ATG4C: variants seen among roughly 807,000 people sequenced by gnomAD.
ATG4C encodes autophagy related 4C cysteine peptidase, also known as cysteine protease ATG4C.
A neutral mutation model predicts 57.6 loss-of-function variants in ATG4C; 56 were observed. The observed-to-expected ratio is 0.97, with a 90% confidence interval of 0.78 to 1.21. The LOEUF (loss-of-function observed/expected upper bound fraction) is 1.21. Ranked by LOEUF, ATG4C falls within the 50% of genes most tolerant of loss-of-function variation. ATG4C has a pLI of 0.00. For synonymous variants in ATG4C, 157 were observed against 174.1 expected, an observed-to-expected ratio of 0.90 and a Z score of 0.78; for missense variants, 595 against 529.8, an observed-to-expected ratio of 1.12 and a Z score of -1.21.
chr1:62,820,274 T>A (rs1665439603), intron 5 of ATG4C, among the ~76,000 whole-genome samples: 1 of 152,186 alleles, frequency 6.6e-6, no homozygotes, highest in East Asian at 1.9e-4. Flanking sequence ...GAAGTGACAA[T>A]AGTAAATATT....
chr1:62,854,478 C>T (rs566030028), intron 10 of ATG4C, among the ~76,000 whole-genome samples: 7 of 151,938 alleles, frequency 4.6e-5, no homozygotes, highest in Non-Finnish European at 8.8e-5. Context: ...GGGGTTTCAC[C>T]GTGTTAGCCA....
intron 4 of ATG4C, 99 bp downstream of exon 4, chr1:62,816,907 G>C (rs74078329): frequency 1.0e-6 from 1 of 959,184 alleles, no homozygotes; most frequent in African/African-American, 1.7e-5. Flanking sequence ...GAAATTCCCT[G>C]AGGTTAATTT....
chr1:62,809,158 C>T lies in ATG4C; in HGVS notation c.160+3903C>T, dbSNP rs74409200. 9.3e-3 allele frequency among the ~76,000 whole-genome samples: 1,420 copies of T among 151,940 alleles called. 14 individuals carry two copies. Among genetic ancestry groups the T allele is most frequent in the South Asian group, 0.039 (188 of 4,814 alleles). ...CTCCCTATGTTGTCCAGGGTTGTCT[C>T]GAACTCCTTGGCTCAAGTGGTCCTC... On this transcript the variant is annotated intron_variant, in intron 3 of 10. Transcript: ENST00000317868.
At chr1:62,823,263 T>C (rs926289509) in intron 6 of ATG4C, among the ~76,000 whole-genome samples, 1 of 152,220 alleles carries the variant, frequency 6.6e-6, no homozygotes, top group African/African-American at 2.4e-5. Context: ...ATTCAGCACG[T>C]TTAAAAGTAC....
At chr1:62,837,561 T>C (rs1229096734) in intron 9 of ATG4C, among the ~76,000 whole-genome samples, 1 of 152,176 alleles carries the variant, frequency 6.6e-6, no homozygotes, top group Non-Finnish European at 1.5e-5. Flanking sequence ...TTAATAGACA[T>C]GTCAGTTTGT....
rs968076267 is a variant in ATG4C at position 62,784,208 on chromosome 1, A to G, written c.-134A>G. 1 of 153,098 alleles carries G rather than the reference A, an allele frequency of 6.5e-6. No individual in the cohort carries two copies. Among genetic ancestry groups the G allele is most frequent in the Non-Finnish European group, 1.5e-5 (1 of 68,594 alleles). The allele number at this position is 153,098 out of a possible 1,614,324, so 9.5% of individuals were successfully genotyped here. ...CTGGTTTTGTGGCGGCTGCTGCTAG[A>G]GCTGGAGCATTTGCCGGGTTGGTGG... On this transcript the variant is annotated 5_prime_UTR_variant, in exon 1 of 11. Coordinates refer to ENST00000317868, the MANE Select transcript of ATG4C (RefSeq NM_032852.4).
At chr1:62,827,231 C>T (rs1402319267) in intron 6 of ATG4C, among the ~76,000 whole-genome samples, 1 of 152,148 alleles carries the variant, frequency 6.6e-6, no homozygotes, top group African/African-American at 2.4e-5. Flanking sequence ...TCTTCTAATC[C>T]CATTTTTGCT....
intron 9 of ATG4C, among the ~76,000 whole-genome samples, chr1:62,835,976 A>G (rs1226178889): frequency 6.6e-6 from 1 of 152,064 alleles, no homozygotes; most frequent in Non-Finnish European, 1.5e-5. Context: ...CCTTATAAAC[A>G]GTAGGTACTT....
intron 10 of ATG4C, among the ~76,000 whole-genome samples, chr1:62,862,319 C>A (rs1435566970): frequency 6.6e-6 from 1 of 151,914 alleles, no homozygotes; most frequent in African/African-American, 2.4e-5. Flanking sequence ...TATTAATAAA[C>A]CCGAATAACT....
At chr1:62,836,652 A>G (rs1037686702) in intron 9 of ATG4C, among the ~76,000 whole-genome samples, 2 of 152,110 alleles carry the variant, frequency 1.3e-5, no homozygotes, top group East Asian at 1.9e-4. Flanking sequence ...TTGTATATTT[A>G]TAGCTAGTGA....
At chr1:62,845,410 T>C (rs939414703) in intron 10 of ATG4C, among the ~76,000 whole-genome samples, 3 of 152,160 alleles carry the variant, frequency 2.0e-5, no homozygotes, top group Non-Finnish European at 4.4e-5. Flanking sequence ...TTCCCATTCA[T>C]TCTTTTTCTC....
chr1:62,808,125 A>C (rs1404568966), intron 3 of ATG4C, among the ~76,000 whole-genome samples: 1 of 152,222 alleles, frequency 6.6e-6, no homozygotes, highest in Non-Finnish European at 1.5e-5. Context: ...AAGATAACTG[A>C]TGGTAATGTA....
chr1:62,811,577 CA>C (rs1451908932), intron 3 of ATG4C, among the ~76,000 whole-genome samples: 1 of 152,062 alleles, frequency 6.6e-6, no homozygotes, highest in South Asian at 2.1e-4. Context: ...CTCATCTTTC[CA>C]CAGATTGCAT....
intron 10 of ATG4C, among the ~76,000 whole-genome samples, chr1:62,845,198 C>A (rs1238749361): frequency 1.3e-5 from 2 of 151,774 alleles, no homozygotes; most frequent in African/African-American, 2.4e-5. Context: ...TAAATACTCT[C>A]CAGAGTGATC....
chr1:62,838,825 T>G (rs1341499138), intron 9 of ATG4C, among the ~76,000 whole-genome samples: 1 of 152,060 alleles, frequency 6.6e-6, no homozygotes, highest in African/African-American at 2.4e-5. Flanking sequence ...GCCTCTCTGT[T>G]GTATGAGTCC....
chr1:62,819,118 G>T lies in ATG4C; in HGVS notation c.508G>T (p.Glu170Ter), dbSNP rs1665390989. The change falls in exon 5 of 11, where the codon GAA becomes TAA. Residue 170 changes from glutamate (E) to a stop codon, truncating the protein, a stop_gained. Transcript: ENST00000317868. LOFTEE classifies it high-confidence loss of function. ...SFEASLSGER[E>*]FKTPTISLKE... ...TGAAGCATCACTTTCAGGGGAAAGA[G>T]AATTCAAAACCCCAACAATTTCTCT... 5.0e-6 allele frequency: 8 copies of T among 1,613,166 alleles called. No individual in the cohort carries two copies. The highest frequency in any genetic ancestry group is 5.9e-6 in the Non-Finnish European group (7 of 1,179,590).
intron 7 of ATG4C, among the ~76,000 whole-genome samples, chr1:62,832,650 AG>A (rs1442447411): frequency 4.6e-5 from 7 of 152,252 alleles, no homozygotes; most frequent in Admixed American, 3.3e-4. Context: ...ACCTCCCCAA[AG>A]GCTCCAGCTT....
intron 10 of ATG4C, among the ~76,000 whole-genome samples, chr1:62,848,065 C>T (rs1225145270): frequency 2.0e-5 from 3 of 151,958 alleles, no homozygotes; most frequent in Admixed American, 6.6e-5. Context: ...TTTTCTTTCC[C>T]GTATGGTTTT....
Position 62,864,138 on chromosome 1 carries a change from G to C in ATG4C, c.1356G>C (p.Thr452=). The change falls in exon 11 of 11, where the codon ACG becomes ACC. Residue 452 remains threonine (T), a synonymous_variant. Transcript: ENST00000317868. ...AGAAACAATTAAAAAGATTTAGCAC[G>C]GAAGAGTTTGTCTTGCTTTAAAGAT... ...DEKKQLKRFS[T]EEFVLL is the part of the protein sequence containing the mutation. 1 of 1,601,546 alleles carries C rather than the reference G, an allele frequency of 6.2e-7. No individual in the cohort carries two copies. The highest frequency in any genetic ancestry group is 1.1e-5 in the South Asian group (1 of 88,214).
Sources: allele counts gnomAD v4.1 joint callset (sites outside exome capture counted in the v4.1 genomes callset), GRCh38; gene constraint gnomAD v4.1.1; transcripts MANE v1.5; gene names NCBI Gene and HGNC (gene_info 2026-07-23, HGNC 2026-07-21).